DNAJB11: variants seen among roughly 807,000 people sequenced by gnomAD.
DNAJB11 encodes the protein DnaJ heat shock protein family (Hsp40) member B11.
Under a neutral mutation model 47.2 loss-of-function variants are expected in DNAJB11, and 30 were observed. That is an observed-to-expected ratio of 0.64 (90% CI 0.48 to 0.86). DNAJB11 has a LOEUF of 0.86. Among genes scored for constraint, DNAJB11 ranks in the 40% least tolerant of loss-of-function variants. The pLI, the probability that DNAJB11 is intolerant of heterozygous loss-of-function variation, is 0.00. For missense variants in DNAJB11, 357 were observed against 440.2 expected, an observed-to-expected ratio of 0.81 and a Z score of 1.69; for synonymous variants, 151 against 159.9, an observed-to-expected ratio of 0.94 and a Z score of 0.42.
intron 2 of DNAJB11, among the ~76,000 whole-genome samples, chr3:186,573,478 G>A (rs1333191031): frequency 6.6e-6 from 1 of 152,020 alleles, no homozygotes; most frequent in Non-Finnish European, 1.5e-5. Context: ...TCCGCCTCCT[G>A]GGTTTTACGC....
Position 186,572,261 on chromosome 3 carries a change from G to C in DNAJB11, c.225+10G>C, listed in dbSNP as rs769413192. 1 of 1,597,228 alleles carries C rather than the reference G, an allele frequency of 6.3e-7. No homozygotes were observed. The highest frequency in any genetic ancestry group is 1.8e-5 in the Admixed American group (1 of 54,488). On this transcript the variant is annotated intron_variant, in intron 2 of 9. Coordinates refer to ENST00000265028, the MANE Select transcript of DNAJB11 (RefSeq NM_016306.6). The stretch of plus-strand genomic sequence containing the variant: ...GGGTGCTGCTTATGAGGTGAGTTGG[G>C]AAAAGTGATAAAGTACGAATAAAAT...
chr3:186,579,596 A>G (rs1377412840), intron 4 of DNAJB11: 1 of 152,214 alleles, frequency 6.6e-6, no homozygotes, highest in African/African-American at 2.4e-5. Context: ...GGGGCAGATG[A>G]TAGACCTTCT....
intron 5 of DNAJB11, among the ~76,000 whole-genome samples, chr3:186,581,719 C>T (rs958542281): frequency 6.6e-6 from 1 of 151,832 alleles, no homozygotes; most frequent in Admixed American, 6.6e-5. Context: ...AAGCAGTGCC[C>T]TTTATTTCTG....
At chr3:186,573,203 G>T (rs1191062126) in intron 2 of DNAJB11, among the ~76,000 whole-genome samples, 1 of 152,092 alleles carries the variant, frequency 6.6e-6, no homozygotes, top group Non-Finnish European at 1.5e-5. Context: ...TGTATATTGA[G>T]AAGGCTAAAA....
At chr3:186,576,550 CAA>C (rs1417337671) in intron 3 of DNAJB11, among the ~76,000 whole-genome samples, 3 of 152,138 alleles carry the variant, frequency 2.0e-5, no homozygotes, top group African/African-American at 7.2e-5. Context: ...AAATTATAAA[CAA>C]AAAGATGTTC....
rs1410327061 is a variant in DNAJB11 at position 186,570,785 on chromosome 3, C to T, written c.-113C>T. The stretch of plus-strand genomic sequence containing the variant: ...CTGTCTCTGCGGACCAAGGAGACCC[C>T]CGCGCCCCCCCGGTGTGAGGCGGCC... On this transcript the variant is annotated 5_prime_UTR_variant, in exon 1 of 10. Transcript: ENST00000265028. 2 of 961,930 alleles carry T rather than the reference C, an allele frequency of 2.1e-6. No homozygotes were observed. The highest frequency in any genetic ancestry group is 3.4e-5 in the African/African-American group (2 of 59,246). 59.6% of individuals were successfully genotyped at this position (961,930 alleles called of 1,614,324 possible).
chr3:186,572,580 TAAG>T (rs1328539364), intron 2 of DNAJB11, among the ~76,000 whole-genome samples: 1 of 152,168 alleles, frequency 6.6e-6, no homozygotes, highest in East Asian at 1.9e-4. Context: ...TATAGATTAA[TAAG>T]TAGATCAACT....
At chr3:186,574,416 A>G (rs1005853965) in intron 2 of DNAJB11, among the ~76,000 whole-genome samples, 1 of 152,018 alleles carries the variant, frequency 6.6e-6, no homozygotes, top group East Asian at 1.9e-4. Context: ...ATTTGTGAAG[A>G]TCAGATCAGA....
chr3:186,578,638 C>T (rs1715380181), intron 4 of DNAJB11: 1 of 152,150 alleles, frequency 6.6e-6, no homozygotes, highest in Non-Finnish European at 1.5e-5. Flanking sequence ...TTAGGATCAG[C>T]ATCTCTTCCT....
intron 1 of DNAJB11, 42 bp downstream of exon 1, chr3:186,571,007 G>C: frequency 5.2e-6 from 4 of 766,102 alleles, no homozygotes; most frequent in Non-Finnish European, 8.2e-6. Flanking sequence ...CTGTGGGTCA[G>C]CCTTTGCTGG....
intron 2 of DNAJB11, 128 bp downstream of exon 2, chr3:186,572,379 T>C: frequency 1.0e-6 from 1 of 962,230 alleles, no homozygotes; most frequent in East Asian, 2.9e-5. Flanking sequence ...TGAGTCTCTA[T>C]TGCCTAGGCT....
rs778612390 is a variant in DNAJB11, at chr3:186,570,913, C to T, written c.16C>T (p.Leu6=). ...CAGAGGAACCATGGCTCCGCAGAACCTGAGCACCTTTTGCCTGTTGCTGCT... is the reference window on the plus strand; with the variant it reads ...CAGAGGAACCATGGCTCCGCAGAACTTGAGCACCTTTTGCCTGTTGCTGCT... MAPQN[L]STFCLLLLYL... is the part of the protein sequence containing the mutation. The change falls in exon 1 of 10, where the codon CTG becomes TTG. Residue 6 remains leucine, a synonymous_variant. Transcript: ENST00000265028. 1 of 1,605,154 alleles carries T rather than the reference C, an allele frequency of 6.2e-7. No homozygotes were observed. The highest frequency in any genetic ancestry group is 2.3e-5 in the East Asian group (1 of 44,116).
intron 2 of DNAJB11, among the ~76,000 whole-genome samples, chr3:186,574,972 A>AG (rs1715216451): frequency 7.4e-6 from 1 of 135,312 alleles, no homozygotes; most frequent in South Asian, 2.2e-4. Flanking sequence ...TAAAAGAGAA[A>AG]GTTTTTTTTT....
intron 2 of DNAJB11, 31 bp downstream of exon 2, chr3:186,572,282 A>G: frequency 6.3e-7 from 1 of 1,583,326 alleles, no homozygotes; most frequent in Middle Eastern, 1.7e-4. Flanking sequence ...AAGTACGAAT[A>G]AAATCTGTAG....
chr3:186,582,571 G>A (rs575941110), intron 6 of DNAJB11, 145 bp from the exon 7 acceptor site: 16 of 661,026 alleles, frequency 2.4e-5, no homozygotes, highest in Non-Finnish European at 4.0e-5. Flanking sequence ...TCTGAAACTT[G>A]ATACAACCAG....
In DNAJB11 at chr3:186,576,089, A is replaced by G. The variant is rs187490724; in HGVS notation, c.323+152A>G. 4 of 591,214 alleles carry G rather than the reference A, an allele frequency of 6.8e-6. No homozygotes were observed. In the Admixed American group the frequency reaches 1.2e-4, roughly 18 times the overall value. 36.6% of individuals were successfully genotyped at this position (591,214 alleles called of 1,614,324 possible). On this transcript the variant is annotated intron_variant, in intron 3 of 9. Transcript: ENST00000265028. The stretch of plus-strand genomic sequence containing the variant: ...CAATTATTGTCCTCCCTGTGGGAAG[A>G]TAGTCTTCTATTTTCACAAAGCTTC...
chr3:186,577,560 A>G (rs890660333), intron 3 of DNAJB11, 108 bp from the exon 4 acceptor site: 46 of 1,024,052 alleles, frequency 4.5e-5, no homozygotes, highest in South Asian at 5.8e-5. Context: ...GTTTTGCACA[A>G]TGCATTGATA....
chr3:186,577,643 C>G, intron 3 of DNAJB11, 25 bp from the exon 4 acceptor site: 1 of 1,461,978 alleles, frequency 6.8e-7, no homozygotes, highest in South Asian at 1.4e-5. Context: ...TTTTTTTTTC[C>G]TGATGATTTT....
chr3:186,584,327 C>A, intron 8 of DNAJB11, 103 bp from the exon 9 acceptor site: 2 of 1,176,656 alleles, frequency 1.7e-6, no homozygotes, highest in Non-Finnish European at 1.2e-6. Context: ...TTTCTTTTTG[C>A]TGAGCTGTGA....
Sources: allele counts gnomAD v4.1 joint callset (sites outside exome capture counted in the v4.1 genomes callset), GRCh38; gene constraint gnomAD v4.1.1; transcripts MANE v1.5; gene names NCBI Gene and HGNC (gene_info 2026-07-23, HGNC 2026-07-21).